Variants in RASA1 observed in about 807,000 individuals in gnomAD.
The protein encoded by RASA1 is ras GTPase-activating protein 1.
RASA1 carries 25 observed loss-of-function variants against 132.2 expected under a neutral mutation model. That is an observed-to-expected ratio of 0.19 (90% CI 0.14 to 0.26). The LOEUF (loss-of-function observed/expected upper bound fraction) is 0.26, where lower values mean the gene tolerates loss of function less well. RASA1 is among the 10% of genes least tolerant of loss of function. RASA1 has a pLI of 1.00. For synonymous variants in RASA1, 477 were observed against 449.9 expected (o/e 1.06, Z -0.76); for missense variants, 964 against 1,299.2 (o/e 0.74, Z 3.97).
At chr5:87,319,829 G>A (rs1245325368) in intron 1 of RASA1, among the ~76,000 whole-genome samples, 1 of 152,266 alleles carries the variant, frequency 6.6e-6, no homozygotes, top group African/African-American at 2.4e-5. Context: ...CCCAAAATGG[G>A]TTTGTCTTTT....
intron 1 of RASA1, among the ~76,000 whole-genome samples, chr5:87,308,072 C>T (rs1353100002): frequency 6.6e-6 from 1 of 152,074 alleles, no homozygotes; most frequent in Non-Finnish European, 1.5e-5. Flanking sequence ...ATAGTTAAGC[C>T]TGTGGTTCAG....
chr5:87,295,460 C>T (rs1315316477), intron 1 of RASA1, among the ~76,000 whole-genome samples: 2 of 151,002 alleles, frequency 1.3e-5, no homozygotes, highest in Non-Finnish European at 3.0e-5. Flanking sequence ...TATATGATTT[C>T]ATTTTTCTCT....
chr5:87,296,393 T>C (rs548087940), intron 1 of RASA1, among the ~76,000 whole-genome samples: 1 of 152,286 alleles, frequency 6.6e-6, no homozygotes, highest in East Asian at 1.9e-4. Context: ...AATAAAAGTT[T>C]TTATTTTGCC....
At chr5:87,353,348 A>G in intron 9 of RASA1, 113 bp downstream of exon 9, 3 of 841,014 alleles carry the variant, frequency 3.6e-6, no homozygotes, top group Non-Finnish European at 5.8e-6. Flanking sequence ...TTAAAACTAC[A>G]GATTATTTAG....
chr5:87,385,429 G>C (rs775748450), intron 22 of RASA1, 40 bp downstream of exon 22: 98 of 1,440,034 alleles, frequency 6.8e-5, no homozygotes, highest in Non-Finnish European at 9.4e-5. Context: ...ATTTATGAAT[G>C]CAAGTTTGAC....
intron 9 of RASA1, 73 bp downstream of exon 9, chr5:87,353,308 C>A: frequency 1.7e-6 from 2 of 1,167,926 alleles, no homozygotes; most frequent in Admixed American, 1.8e-5. Flanking sequence ...TGTTTTTGCA[C>A]ACATTTGTAC....
intron 1 of RASA1, among the ~76,000 whole-genome samples, chr5:87,309,913 T>C (rs532509321): frequency 5.3e-5 from 8 of 152,266 alleles, no homozygotes; most frequent in African/African-American, 1.9e-4. Flanking sequence ...GTGATATGCT[T>C]TCTATTATAC....
intron 1 of RASA1, among the ~76,000 whole-genome samples, chr5:87,305,121 G>A (rs2112292618): frequency 6.6e-6 from 1 of 151,504 alleles, no homozygotes; most frequent in East Asian, 1.9e-4. Context: ...CAGTATTTTT[G>A]TTGCAAAGTT....
At chr5:87,311,895 A>G (rs1461669528) in intron 1 of RASA1, among the ~76,000 whole-genome samples, 1 of 152,228 alleles carries the variant, frequency 6.6e-6, no homozygotes, top group African/African-American at 2.4e-5. Flanking sequence ...TAAGCAGGAT[A>G]TTTCAAGGGC....
intron 1 of RASA1, among the ~76,000 whole-genome samples, chr5:87,327,746 C>T (rs1210701696): frequency 1.3e-5 from 2 of 152,136 alleles, no homozygotes; most frequent in Non-Finnish European, 2.9e-5. Flanking sequence ...AGGCAGATTA[C>T]CTGAGGTCAG....
At chr5:87,275,811 T>TGCC (rs1245751762) in intron 1 of RASA1, among the ~76,000 whole-genome samples, 1 of 152,180 alleles carries the variant, frequency 6.6e-6, no homozygotes, top group Admixed American at 6.5e-5. Flanking sequence ...CCTCGTGATC[T>TGCC]GCCACCTTGG....
At chr5:87,320,161 C>G (rs1200886197) in intron 1 of RASA1, among the ~76,000 whole-genome samples, 2 of 152,176 alleles carry the variant, frequency 1.3e-5, no homozygotes, top group Non-Finnish European at 2.9e-5. Context: ...CCTGGATTTT[C>G]ACTGTCCATA....
chr5:87,305,735 A>G (rs531758959), intron 1 of RASA1, among the ~76,000 whole-genome samples: 1 of 152,246 alleles, frequency 6.6e-6, no homozygotes, highest in Non-Finnish European at 1.5e-5. Context: ...CAAACTACAT[A>G]TCTGACAGAG....
chr5:87,357,157 TTGAG>T (rs1759712105), intron 9 of RASA1, among the ~76,000 whole-genome samples: 1 of 152,066 alleles, frequency 6.6e-6, no homozygotes, highest in Admixed American at 6.6e-5. Flanking sequence ...GTTTCACTTT[TTGAG>T]TAATTTTTTT....
chr5:87,334,000 C>T (rs1757776468), intron 4 of RASA1, among the ~76,000 whole-genome samples: 1 of 152,026 alleles, frequency 6.6e-6, no homozygotes, highest in South Asian at 2.1e-4. Flanking sequence ...TTAGTGGGAT[C>T]ATTTAGGACA....
chr5:87,305,796 A>T (rs1755581052), intron 1 of RASA1, among the ~76,000 whole-genome samples: 1 of 152,200 alleles, frequency 6.6e-6, no homozygotes. Flanking sequence ...CGAGGAAAAG[A>T]ATCCATTAAA....
intron 24 of RASA1, 56 bp downstream of exon 24, chr5:87,389,583 G>A: frequency 6.3e-7 from 1 of 1,591,240 alleles, no homozygotes. Context: ...CACTTAGAGA[G>A]TTAATAAATA....
At chr5:87,331,043 G>A (rs1757563159) in intron 1 of RASA1, 26 of 1,270,838 alleles carry the variant, frequency 2.0e-5, no homozygotes, top group Non-Finnish European at 2.6e-5. Context: ...AGATCTGGTT[G>A]CAGTAGTGTT....
intron 8 of RASA1, among the ~76,000 whole-genome samples, chr5:87,349,891 G>A (rs1759131750): frequency 6.6e-6 from 1 of 151,778 alleles, no homozygotes; most frequent in Non-Finnish European, 1.5e-5. Context: ...TACTTGATTA[G>A]GAAAATAAGT....
Sources: allele counts gnomAD v4.1 joint callset (sites outside exome capture counted in the v4.1 genomes callset), GRCh38; gene constraint gnomAD v4.1.1; transcripts MANE v1.5; gene names NCBI Gene and HGNC (gene_info 2026-07-23, HGNC 2026-07-21).